The following DNHD1 variants were observed in gnomAD, a reference collection of about 807,000 sequenced individuals.
DNHD1 encodes the protein dynein heavy chain domain-containing protein 1.
A neutral mutation model predicts 458.1 loss-of-function variants in DNHD1; 383 were observed. The observed-to-expected ratio is 0.84, with a 90% CI of 0.77 to 0.91. The LOEUF is 0.91. DNHD1 is among the 40% of genes least tolerant of loss of function. DNHD1 has a pLI of 0.00. For synonymous variants in DNHD1, 2,203 were observed against 2,376.9 expected (o/e 0.93, Z 2.13); for missense variants, 5,336 against 5,866.1 (o/e 0.91, Z 2.95).
At chr11:6,500,438 T>C (rs1564993034) in intron 3 of DNHD1, among the ~76,000 whole-genome samples, 3 of 152,354 alleles carry the variant, frequency 2.0e-5, no homozygotes, top group East Asian at 1.9e-4. Context: ...GTCAAGTCTT[T>C]CCATTAAAGC....
In DNHD1 at chr11:6,550,474, T is replaced by C. The variant is rs145359562; in HGVS notation, c.7387+1541T>C. Among the ~76,000 whole-genome samples, 354 of 152,298 alleles carry C rather than the reference T, an allele frequency of 2.3e-3. 3 individuals carry two copies. The highest frequency in any genetic ancestry group is 7.6e-3 in the African/African-American group (314 of 41,568). On this transcript the variant is annotated intron_variant, in intron 24 of 42. Transcript: ENST00000254579. The stretch of plus-strand genomic sequence containing the variant: ...TGCTGGCAGAATGTAAAAGGTGTCC[T>C]TGAGTGACAACCACCAGAACATCCA...
At chr11:6,529,818 T>C (rs1442270813) in intron 12 of DNHD1, among the ~76,000 whole-genome samples, 2 of 152,232 alleles carry the variant, frequency 1.3e-5, no homozygotes, top group African/African-American at 4.8e-5. Context: ...AGAGCTGCGA[T>C]GTGTTTTCTT....
In DNHD1 at chr11:6,546,171, G is replaced by A. The variant is rs1472535237; in HGVS notation, c.5232G>A (p.Leu1744=). The part of the protein sequence containing the change: ...AWLLLEKVHQ[L]PPGLLSALGQ... Reference sequence around the variant, plus strand: ...TGCTGTTGGAGAAAGTTCATCAGCTGCCCCCTGGCTTGCTCTCTGCCCTGG... The same window carrying A: ...TGCTGTTGGAGAAAGTTCATCAGCTACCCCCTGGCTTGCTCTCTGCCCTGG... Residue 1744 remains leucine (L), a synonymous_variant, in exon 21 of 43, where the codon CTG becomes CTA. Coordinates refer to ENST00000254579, the MANE Select transcript of DNHD1 (RefSeq NM_144666.3). The A allele has an allele frequency of 6.4e-7, 1 of 1,550,924 alleles. No homozygotes were observed. The highest frequency in any genetic ancestry group is 2.0e-5 in the Admixed American group (1 of 50,976).
chr11:6,516,700 T>A (rs1310578863), intron 7 of DNHD1, among the ~76,000 whole-genome samples: 1 of 152,148 alleles, frequency 6.6e-6, no homozygotes, highest in Non-Finnish European at 1.5e-5. Flanking sequence ...ACTCATTCAC[T>A]AATATATCTC....
Position 6,499,950 on chromosome 11 carries a change from G to A in DNHD1, c.746+989G>A, listed in dbSNP as rs139605041. On this transcript the variant is annotated intron_variant, in intron 3 of 42. Transcript: ENST00000254579. ...CTTACAGAGACCTTCTCTTCTCAGC[G>A]TTCTCTAACTTTCGATTTTTTTTTT... 1.7e-3 allele frequency among the ~76,000 whole-genome samples: 241 copies of A among 138,056 alleles called. 1 individual carries two copies. Among genetic ancestry groups the A allele is most frequent in the African/African-American group, 5.8e-3 (221 of 37,802 alleles). 90.6% of individuals were successfully genotyped at this position (138,056 alleles called of 152,430 possible).
At chr11:6,499,002 A>G (rs764543070) in intron 3 of DNHD1, 41 bp downstream of exon 3, 199 of 1,526,298 alleles carry the variant, frequency 1.3e-4, no homozygotes, top group Non-Finnish European at 1.7e-4. Context: ...CAGAGGAGAA[A>G]AAGTTGCTGT....
chr11:6,514,096 T>TCC (rs1315224813), intron 7 of DNHD1, among the ~76,000 whole-genome samples: 5 of 152,094 alleles, frequency 3.3e-5, no homozygotes, highest in African/African-American at 1.2e-4. Context: ...TCCACCTGCC[T>TCC]CAGCCTCCCG....
chr11:6,565,181 G>A (rs992860101), intron 32 of DNHD1, among the ~76,000 whole-genome samples: 1 of 152,160 alleles, frequency 6.6e-6, no homozygotes, highest in Admixed American at 6.5e-5. Context: ...TTCCCCAGAA[G>A]AAGAGGCTGG....
At chr11:6,526,266 T>G (rs187754497) in intron 10 of DNHD1, among the ~76,000 whole-genome samples, 3 of 152,300 alleles carry the variant, frequency 2.0e-5, no homozygotes, top group Non-Finnish European at 4.4e-5. Flanking sequence ...TTTCTTTCAT[T>G]TATAATTCTT....
Position 6,544,952 on chromosome 11 carries a change from T to G in DNHD1, c.4013T>G (p.Leu1338Arg), listed in dbSNP as rs1259781686. ...CTGCTGCAAGCAGGATCGGTGGAGCTGGAGGGCATCATCATGAGTCTGGAG... is the reference window on the plus strand; with the variant it reads ...CTGCTGCAAGCAGGATCGGTGGAGCGGGAGGGCATCATCATGAGTCTGGAG... The part of the protein sequence containing the change: ...QQLLQAGSVE[L>R]EGIIMSLESV... Residue 1338 changes from leucine to arginine, a missense_variant, in exon 21 of 43, where the codon CTG (leucine) becomes CGG (arginine). Around this residue, in one of 4 missense-constraint regions of DNHD1, gnomAD observed 3,932 missense variants for 4,365.6 expected, o/e 0.90. Transcript: ENST00000254579. 2 of 1,551,732 alleles carry G rather than the reference T, an allele frequency of 1.3e-6. No individual in the cohort carries two copies. The highest frequency in any genetic ancestry group is 1.7e-6 in the Non-Finnish European group (2 of 1,146,980).
Position 6,568,766 on chromosome 11 carries a change from A to C in DNHD1, c.12763A>C (p.Met4255Leu). The C allele has an allele frequency of 6.2e-7, 1 of 1,613,520 alleles. No individual in the cohort carries two copies. The change falls in exon 39 of 43, where the codon ATG becomes CTG. Residue 4255 changes from methionine to leucine, a missense_variant. By Grantham distance (15) the Met-to-Leu change is conservative. This residue lies in a region of DNHD1 where 698 missense variants were observed against 664.9 expected (regional missense o/e 1.05). Coordinates refer to ENST00000254579, the MANE Select transcript of DNHD1 (RefSeq NM_144666.3). ...SVELAQQVLY[M>L]QPPTQALPLL... ...GGAGCTAGCCCAGCAAGTACTCTAC[A>C]TGCAACCCCCCACCCAGGCACTACC... is the stretch of plus-strand genomic sequence containing the variant.
At chr11:6,569,005 T>C in intron 39 of DNHD1, 139 bp downstream of exon 39, 1 of 1,070,302 alleles carries the variant, frequency 9.3e-7, no homozygotes, top group Non-Finnish European at 1.3e-6. Context: ...GGAAGGCTTC[T>C]CCAAAGACTT....
intron 4 of DNHD1, among the ~76,000 whole-genome samples, chr11:6,506,690 C>A (rs1448146866): frequency 6.6e-6 from 1 of 152,142 alleles, no homozygotes; most frequent in Non-Finnish European, 1.5e-5. Flanking sequence ...GTCACTCCCC[C>A]ACCCTTACCA....
At position 6,547,888 on chromosome 11, in the gene DNHD1, G is replaced by A. The variant is rs1432008054; in HGVS notation, c.6753G>A (p.Val2251=). 1 of 1,551,766 alleles carries A rather than the reference G, an allele frequency of 6.4e-7. No individual in the cohort carries two copies. The highest frequency in any genetic ancestry group is 2.4e-5 in the East Asian group (1 of 40,912). Residue 2251 remains valine, a synonymous_variant, in exon 22 of 43, where the codon GTG becomes GTA. Coordinates refer to ENST00000254579, the MANE Select transcript of DNHD1 (RefSeq NM_144666.3). ...GPEDLSYSDP[V]AQSFRSSKSS... is the part of the protein sequence containing the mutation. ...AGGACCTCAGCTATAGTGATCCTGTGGCCCAAAGCTTCAGGTCTTCAAAAA... is the reference window on the plus strand; with the variant it reads ...AGGACCTCAGCTATAGTGATCCTGTAGCCCAAAGCTTCAGGTCTTCAAAAA...
Position 6,571,839 on chromosome 11 carries a change from C to G in DNHD1, c.14115C>G (p.Tyr4705Ter). ...CAGCCCCAGCCGACCTGACTGTGTA[C>G]TCGTGTCCTGTGTACATGGGAGGGC... ...DLPAPADLTV[Y>*]SCPVYMGGPL... Residue 4705 changes from tyrosine (Y) to a stop codon, truncating the protein, a stop_gained, in exon 43 of 43, where the codon TAC becomes TAG. Transcript: ENST00000254579. LOFTEE classifies it high-confidence loss of function. The surrounding 1 kb of genome is among the most constrained non-coding windows in gnomAD (Gnocchi z 5.0). 2 of 1,613,920 alleles carry G rather than the reference C, an allele frequency of 1.2e-6. No individual in the cohort carries two copies. Among genetic ancestry groups the G allele is most frequent in the Non-Finnish European group, 1.7e-6 (2 of 1,179,808 alleles).
At chr11:6,544,427 C>G (rs1189578087) in intron 19 of DNHD1, 147 bp from the exon 20 acceptor site, 1 of 1,023,060 alleles carries the variant, frequency 9.8e-7, no homozygotes, top group African/African-American at 1.6e-5. Flanking sequence ...AGTTTTTTCT[C>G]CCTCAAGCAA....
rs374476372 is a variant in DNHD1 at position 6,557,166 on chromosome 11, G to A, written c.7871G>A (p.Arg2624His). Residue 2624 changes from arginine (R) to histidine (H), a missense_variant, in exon 25 of 43, where the codon CGC becomes CAC. This residue lies in a region of DNHD1 where 3,932 missense variants were observed against 4,365.6 expected (regional missense o/e 0.90). Coordinates refer to ENST00000254579, the MANE Select transcript of DNHD1 (RefSeq NM_144666.3). ...VDYPNHQEHL[R>H]RVSGLRGTCL... ...TATCCCAACCACCAGGAGCACTTGC[G>A]CCGGGTGTCAGGCCTGCGAGGCACT... is the stretch of plus-strand genomic sequence containing the variant. 47 of 1,551,704 alleles carry A rather than the reference G, an allele frequency of 3.0e-5. No homozygotes were observed. The highest frequency in any genetic ancestry group is 4.1e-5 in the African/African-American group (3 of 73,158).
At chr11:6,555,840 T>TA (rs1260411643) in intron 24 of DNHD1, among the ~76,000 whole-genome samples, 1 of 152,178 alleles carries the variant, frequency 6.6e-6, no homozygotes, top group Non-Finnish European at 1.5e-5. Context: ...AGGAACTTTC[T>TA]AGGGTGATGA....
chr11:6,516,314 A>ATT (rs1852465870), intron 7 of DNHD1, among the ~76,000 whole-genome samples: 1 of 116,082 alleles, frequency 8.6e-6, no homozygotes, highest in African/African-American at 3.5e-5. Flanking sequence ...TTTTTTTGAG[A>ATT]TGGAGTTTCA....
Sources: gnomAD v4.1 joint callset for allele counts (sites outside exome capture counted in the v4.1 genomes callset) on GRCh38, gnomAD v4.1.1 for gene constraint, gnomAD v4.1.1 regional missense constraint, Gnocchi (gnomAD v3.1) non-coding constraint, MANE v1.5 for transcripts, NCBI Gene and HGNC (gene_info 2026-07-23, HGNC 2026-07-21) for gene names.